Variants in CFAP299 observed in about 807,000 individuals in gnomAD.
CFAP299 encodes cilia- and flagella-associated protein 299.
CFAP299 carries 21 observed loss-of-function variants against 27.0 expected under a neutral mutation model. That is an observed-to-expected ratio of 0.78 (90% CI 0.55 to 1.12). The LOEUF (loss-of-function observed/expected upper bound fraction) is 1.12. CFAP299 is among the 50% of genes most tolerant of loss of function. The pLI is 0.00. For missense variants in CFAP299, 310 were observed against 276.6 expected (o/e 1.12, Z -0.86); for synonymous variants, 104 against 98.1 (o/e 1.06, Z -0.36).
At chr4:80,841,891 T>TA (rs1034899684) in intron 3 of CFAP299, among the ~76,000 whole-genome samples, 3 of 151,698 alleles carry the variant, frequency 2.0e-5, no homozygotes, top group Admixed American at 6.6e-5. Context: ...TTTACTAGTA[T>TA]AAAAAAAAGG....
chr4:80,591,987 A>G (rs963636294), intron 3 of CFAP299, among the ~76,000 whole-genome samples: 2 of 152,238 alleles, frequency 1.3e-5, no homozygotes, highest in African/African-American at 2.4e-5. Context: ...TTTCAAAAAC[A>G]TTGGTAAACT....
At chr4:80,722,680 C>T (rs942123970) in intron 3 of CFAP299, among the ~76,000 whole-genome samples, 14 of 152,046 alleles carry the variant, frequency 9.2e-5, no homozygotes, top group Non-Finnish European at 1.9e-4. Context: ...GCAGGCGGAT[C>T]ACGAGGTCAG....
intron 3 of CFAP299, among the ~76,000 whole-genome samples, chr4:80,847,082 C>A (rs1731224660): frequency 6.6e-6 from 1 of 152,146 alleles, no homozygotes; most frequent in Non-Finnish European, 1.5e-5. Flanking sequence ...CTGCCTGCCA[C>A]CCACAAGCAT....
At chr4:80,467,696 A>T (rs1475141687) in intron 2 of CFAP299, among the ~76,000 whole-genome samples, 2 of 152,174 alleles carry the variant, frequency 1.3e-5, no homozygotes, top group African/African-American at 4.8e-5. Flanking sequence ...ACAGGTGTGG[A>T]TGTGTTAGTT....
At chr4:80,353,520 A>C (rs909391580) in intron 1 of CFAP299, among the ~76,000 whole-genome samples, 5 of 152,254 alleles carry the variant, frequency 3.3e-5, no homozygotes, top group Non-Finnish European at 7.3e-5. Context: ...TAAATTATCC[A>C]GATTGCCAAA....
At chr4:80,688,249 A>G (rs935308664) in intron 3 of CFAP299, among the ~76,000 whole-genome samples, 4 of 152,338 alleles carry the variant, frequency 2.6e-5, no homozygotes, top group African/African-American at 9.6e-5. Flanking sequence ...GCACAGACAA[A>G]CAAAAAGACA....
At chr4:80,553,074 A>G (rs1442203125) in intron 2 of CFAP299, among the ~76,000 whole-genome samples, 1 of 151,860 alleles carries the variant, frequency 6.6e-6, no homozygotes, top group Non-Finnish European at 1.5e-5. Flanking sequence ...TCTGTCATGG[A>G]AGTTTGTGGT....
intron 3 of CFAP299, among the ~76,000 whole-genome samples, chr4:80,863,290 G>A (rs557182221): frequency 6.6e-6 from 1 of 150,404 alleles, no homozygotes; most frequent in South Asian, 2.1e-4. Flanking sequence ...ATTAGTATTT[G>A]GCAAGAAAAA....
Position 80,352,439 on chromosome 4 carries a change from C to T in CFAP299, c.112-10315C>T, listed in dbSNP as rs191696398. ...GAAATTATGCGGGGACAGTGGTGCA[C>T]ACCTGTAATCCCAGCTACTTGGGAG... On this transcript the variant is annotated intron_variant, in intron 1 of 5. Coordinates refer to ENST00000358105, the MANE Select transcript of CFAP299 (RefSeq NM_152770.3). 1.4e-3 allele frequency among the ~76,000 whole-genome samples: 215 copies of T among 152,136 alleles called. 1 individual carries two copies. The South Asian group carries it at 0.026, about 19-fold the overall frequency.
At chr4:80,619,178 T>A (rs1274700313) in intron 3 of CFAP299, among the ~76,000 whole-genome samples, 1 of 152,180 alleles carries the variant, frequency 6.6e-6, no homozygotes, top group Non-Finnish European at 1.5e-5. Flanking sequence ...AACAGTTTAC[T>A]CCCAAAGTAA....
At chr4:80,569,232 CTGACTGATAAAG>C (rs1735461659) in intron 2 of CFAP299, among the ~76,000 whole-genome samples, 1 of 152,052 alleles carries the variant, frequency 6.6e-6, no homozygotes, top group Admixed American at 6.6e-5. Flanking sequence ...TGTTGGGACT[CTGACTGATAAAG>C]TGAATTTTGG....
At chr4:80,491,381 T>A (rs1014773268) in intron 2 of CFAP299, among the ~76,000 whole-genome samples, 6 of 152,188 alleles carry the variant, frequency 3.9e-5, no homozygotes, top group African/African-American at 1.4e-4. Context: ...TTCAGGCTTT[T>A]AAAAAAATTA....
intron 2 of CFAP299, among the ~76,000 whole-genome samples, chr4:80,491,895 T>A (rs1478869187): frequency 3.9e-5 from 6 of 152,214 alleles, no homozygotes; most frequent in Admixed American, 3.9e-4. Flanking sequence ...TAGCTAAATC[T>A]TCTTCTTCCA....
chr4:80,601,296 C>T (rs1340094501), intron 3 of CFAP299, among the ~76,000 whole-genome samples: 2 of 151,966 alleles, frequency 1.3e-5, no homozygotes, highest in African/African-American at 4.8e-5. Flanking sequence ...TTAGCTTTGC[C>T]TAAATTTTGA....
chr4:80,406,277 G>A (rs1281406119), intron 2 of CFAP299, among the ~76,000 whole-genome samples: 2 of 152,198 alleles, frequency 1.3e-5, no homozygotes, highest in Non-Finnish European at 2.9e-5. Context: ...TAAATCTCAG[G>A]AAGAGATATG....
the CFAP299 span, among the ~76,000 whole-genome samples, chr4:80,323,635 G>C: frequency 6.6e-6 from 1 of 152,080 alleles, no homozygotes; most frequent in Non-Finnish European, 1.5e-5. Flanking sequence ...AAACAAATTA[G>C]TTATGTAATC....
chr4:80,606,841 C>A (rs1489326659), intron 3 of CFAP299, among the ~76,000 whole-genome samples: 2 of 151,496 alleles, frequency 1.3e-5, no homozygotes, highest in Admixed American at 1.3e-4. Flanking sequence ...AAAAAAATTT[C>A]ACGGATAAAA....
chr4:80,614,998 T>C (rs1299740533), intron 3 of CFAP299, among the ~76,000 whole-genome samples: 2 of 152,210 alleles, frequency 1.3e-5, no homozygotes, highest in African/African-American at 4.8e-5. Flanking sequence ...CAGCTAATTA[T>C]ATGTTAAATA....
chr4:80,920,693 C>G (rs977028157), intron 4 of CFAP299, among the ~76,000 whole-genome samples: 1 of 152,134 alleles, frequency 6.6e-6, no homozygotes, highest in African/African-American at 2.4e-5. Flanking sequence ...CAGAATTTCT[C>G]TGAATCTCAG....
Sources: gnomAD v4.1 joint callset for allele counts (sites outside exome capture counted in the v4.1 genomes callset) on GRCh38, gnomAD v4.1.1 for gene constraint, MANE v1.5 for transcripts, NCBI Gene and HGNC (gene_info 2026-07-23, HGNC 2026-07-21) for gene names.